CNTLN: variants seen among roughly 807,000 people sequenced by gnomAD.
The protein encoded by CNTLN is centlein.
CNTLN carries 212 observed loss-of-function variants against 180.0 expected under a neutral mutation model. That is an observed-to-expected ratio of 1.18 (90% CI 1.05 to 1.32). The LOEUF is 1.32. CNTLN is among the 40% of genes most tolerant of loss of function. The pLI, the probability that CNTLN is intolerant of heterozygous loss-of-function variation, is 0.00. For missense variants in CNTLN, 2,095 were observed against 1,610.9 expected (o/e 1.30, Z -5.14); for synonymous variants, 722 against 563.1 (o/e 1.28, Z -3.99).
rs144633519 is a variant in CNTLN at position 17,365,527 on chromosome 9, C to G, written c.1887-1090C>G. On this transcript the variant is annotated intron_variant, in intron 12 of 25. Coordinates refer to ENST00000380647, the MANE Select transcript of CNTLN (RefSeq NM_017738.4). ...CAGTATTTGGTTCTGGTCAAATACT[C>G]ACAATGGTAGCTCAATTCTGTTTTA... Among the ~76,000 whole-genome samples the G allele has an allele frequency of 3.7e-3, 561 of 152,320 alleles. 1 individual carries two copies. The highest frequency in any genetic ancestry group is 0.012 in the African/African-American group (498 of 41,586).
the CNTLN span, among the ~76,000 whole-genome samples, chr9:17,515,313 G>T: frequency 3.9e-5 from 6 of 152,046 alleles, no homozygotes; most frequent in Admixed American, 3.9e-4. Context: ...AATTCTAAAT[G>T]TTAGGGGTAC....
intron 3 of CNTLN, among the ~76,000 whole-genome samples, chr9:17,229,627 A>G (rs1446332957): frequency 2.0e-5 from 3 of 152,134 alleles, no homozygotes; most frequent in African/African-American, 7.2e-5. Context: ...GGATGAGGCC[A>G]GCCCACATTA....
At chr9:17,194,303 A>G (rs1182560717) in intron 2 of CNTLN, among the ~76,000 whole-genome samples, 1 of 152,142 alleles carries the variant, frequency 6.6e-6, no homozygotes, top group Admixed American at 6.5e-5. Context: ...TAGGCTGCAC[A>G]TTTTTCTAAC....
At chr9:17,194,563 C>G (rs1587090047) in intron 2 of CNTLN, among the ~76,000 whole-genome samples, 2 of 152,186 alleles carry the variant, frequency 1.3e-5, no homozygotes, top group Admixed American at 6.5e-5. Context: ...TCAGCCTAGA[C>G]TTTATTATCC....
chr9:17,522,412 T>C, the CNTLN span, among the ~76,000 whole-genome samples: 3 of 152,164 alleles, frequency 2.0e-5, no homozygotes, highest in Non-Finnish European at 4.4e-5. Context: ...GACCTGGAAA[T>C]TAAACCTCAG....
intron 5 of CNTLN, among the ~76,000 whole-genome samples, chr9:17,257,308 A>T (rs1826580334): frequency 6.6e-6 from 1 of 152,134 alleles, no homozygotes; most frequent in African/African-American, 2.4e-5. Flanking sequence ...ACATGAACTC[A>T]TCATTTTTTA....
At chr9:17,402,105 C>G (rs952473699) in intron 15 of CNTLN, among the ~76,000 whole-genome samples, 1 of 151,738 alleles carries the variant, frequency 6.6e-6, no homozygotes, top group Non-Finnish European at 1.5e-5. Context: ...ATGACAAGAA[C>G]CACATATAGA....
intron 24 of CNTLN, among the ~76,000 whole-genome samples, chr9:17,485,537 G>A (rs1288993993): frequency 6.6e-6 from 1 of 152,012 alleles, no homozygotes; most frequent in African/African-American, 2.4e-5. Flanking sequence ...AAGACACATG[G>A]GAGTAATATT....
At chr9:17,261,546 T>C (rs1360573719) in intron 5 of CNTLN, among the ~76,000 whole-genome samples, 1 of 151,516 alleles carries the variant, frequency 6.6e-6, no homozygotes, top group African/African-American at 2.4e-5. Context: ...TTTACTGAAA[T>C]TATGTATTCC....
chr9:17,411,676 C>T (rs934629434), intron 16 of CNTLN, among the ~76,000 whole-genome samples: 1 of 152,132 alleles, frequency 6.6e-6, no homozygotes, highest in Non-Finnish European at 1.5e-5. Flanking sequence ...AGCATGAACC[C>T]CGCTGTGAAC....
chr9:17,281,751 C>T (rs144583867), intron 6 of CNTLN, among the ~76,000 whole-genome samples: 1,551 of 152,136 alleles, frequency 0.01, 27 homozygotes, highest in African/African-American at 0.036. Context: ...GAACATAACA[C>T]GTGTATGTAT....
chr9:17,403,545 A>AT (rs66964106), intron 15 of CNTLN, among the ~76,000 whole-genome samples: 7,904 of 148,220 alleles, frequency 0.053, 320 homozygotes, highest in Middle Eastern at 0.12. Context: ...GGAGGCATCA[A>AT]TTTTTTTTTT....
rs769473764 is a variant in CNTLN, at chr9:17,476,970, C to T, written c.3856-7325C>T. On this transcript the variant is annotated intron_variant, in intron 23 of 25. Transcript: ENST00000380647. ...TGCCTGGCTTCAAAGCTTCAAAGAA[C>T]GGGCTGAGTCTCTTGTTAGGGGCTA... Among the ~76,000 whole-genome samples the T allele has an allele frequency of 7.9e-5, 12 of 152,280 alleles. No individual in the cohort carries two copies. The South Asian group carries it at 1.0e-3, about 13-fold the overall frequency.
At chr9:17,390,981 A>G (rs999574756) in intron 14 of CNTLN, among the ~76,000 whole-genome samples, 21 of 152,154 alleles carry the variant, frequency 1.4e-4, no homozygotes, top group African/African-American at 5.1e-4. Flanking sequence ...GCCACAGTTG[A>G]CACTCCTATA....
At chr9:17,273,256 T>C (rs1024571352) in intron 5 of CNTLN, among the ~76,000 whole-genome samples, 1 of 152,164 alleles carries the variant, frequency 6.6e-6, no homozygotes, top group Non-Finnish European at 1.5e-5. Context: ...GTCAAGAGAA[T>C]TGAACACGAT....
intron 2 of CNTLN, among the ~76,000 whole-genome samples, chr9:17,148,471 G>A (rs1221590751): frequency 2.0e-5 from 3 of 152,070 alleles, no homozygotes; most frequent in African/African-American, 4.8e-5. Context: ...CATTGACGTC[G>A]AACTCTTGGC....
At chr9:17,154,727 T>C (rs951057918) in intron 2 of CNTLN, among the ~76,000 whole-genome samples, 6 of 152,158 alleles carry the variant, frequency 3.9e-5, no homozygotes, top group Non-Finnish European at 2.9e-5. Flanking sequence ...CAATCAGCAC[T>C]CTGTAAAAAC....
At chr9:17,333,209 C>T (rs1189811663) in intron 10 of CNTLN, among the ~76,000 whole-genome samples, 1 of 151,988 alleles carries the variant, frequency 6.6e-6, no homozygotes, top group Non-Finnish European at 1.5e-5. Context: ...TGTCTCAGAA[C>T]ATGTGACATT....
At chr9:17,224,319 A>G (rs1824328292) in intron 2 of CNTLN, among the ~76,000 whole-genome samples, 1 of 152,066 alleles carries the variant, frequency 6.6e-6, no homozygotes, top group African/African-American at 2.4e-5. Context: ...TAAATGTGCA[A>G]TAAATACTTG....
Sources: gnomAD v4.1 joint callset for allele counts (sites outside exome capture counted in the v4.1 genomes callset) on GRCh38, gnomAD v4.1.1 for gene constraint, MANE v1.5 for transcripts, NCBI Gene and HGNC (gene_info 2026-07-23, HGNC 2026-07-21) for gene names.